SPTBN1: variants seen among roughly 807,000 people sequenced by gnomAD.
The protein encoded by SPTBN1 is spectrin beta, non-erythrocytic 1, also known as spectrin beta chain, non-erythrocytic 1.
Under a neutral mutation model 266.4 loss-of-function variants are expected in SPTBN1, and 32 were observed. That is an observed-to-expected ratio of 0.12 (90% CI 0.09 to 0.16). The LOEUF is 0.16. Ranked by LOEUF, SPTBN1 falls within the 10% of genes least tolerant of loss-of-function variation. SPTBN1 has a pLI of 1.00. For missense variants in SPTBN1, 2,296 were observed against 3,067.1 expected (o/e 0.75, Z 5.94); for synonymous variants, 1,336 against 1,162.2 (o/e 1.15, Z -3.04).
chr2:54,587,078 C>T (rs7607451), intron 2 of SPTBN1, among the ~76,000 whole-genome samples: 118,900 of 152,182 alleles, frequency 0.78, 47,123 homozygotes, highest in African/African-American at 0.9. Flanking sequence ...CTAGCTTACA[C>T]GCCCCGTAGA....
At chr2:54,648,391 C>A (rs1455845173) in intron 24 of SPTBN1, among the ~76,000 whole-genome samples, 2 of 152,152 alleles carry the variant, frequency 1.3e-5, no homozygotes, top group Non-Finnish European at 2.9e-5. Context: ...GATTCAGTCT[C>A]CTGACTGCGC....
chr2:54,469,238 G>A (rs1693793815), intron 1 of SPTBN1, among the ~76,000 whole-genome samples: 1 of 152,174 alleles, frequency 6.6e-6, no homozygotes, highest in South Asian at 2.1e-4. Context: ...AAGGAAAAGA[G>A]GGAGTGGGAA....
chr2:54,498,281 G>A (rs1416796235), intron 1 of SPTBN1, among the ~76,000 whole-genome samples: 1 of 152,166 alleles, frequency 6.6e-6, no homozygotes, highest in African/African-American at 2.4e-5. Flanking sequence ...TGCCGGCCAT[G>A]TGTGTGGCTT....
At chr2:54,542,559 G>A (rs1191230405) in intron 2 of SPTBN1, among the ~76,000 whole-genome samples, 3 of 152,200 alleles carry the variant, frequency 2.0e-5, no homozygotes, top group Admixed American at 2.0e-4. Context: ...GGGGGCTCAA[G>A]GCCATTGTGA....
chr2:54,468,309 A>G (rs1439249436), intron 1 of SPTBN1, among the ~76,000 whole-genome samples: 2 of 141,286 alleles, frequency 1.4e-5, no homozygotes, highest in African/African-American at 2.8e-5. Flanking sequence ...TCAGTCTCAA[A>G]AAAAATAAAA....
At position 54,558,352 on chromosome 2, in the gene SPTBN1, A is replaced by G. The variant is rs1164653543; in HGVS notation, c.148+31786A>G. 1.1e-5 allele frequency: 11 copies of G among 998,606 alleles called. No individual in the cohort carries two copies. Among genetic ancestry groups the G allele is most frequent in the Non-Finnish European group, 1.3e-5 (11 of 838,432 alleles). 61.9% of individuals were successfully genotyped at this position (998,606 alleles called of 1,614,324 possible). A position where few individuals can be genotyped will look rare whatever the true frequency, so the allele number is the denominator to read the frequency against. ...CCCAGCACACGGCGAGTGGCTCCTG[A>G]TAAAATTACAAACCGGCGGCCGCCG... On this transcript the variant is annotated intron_variant, in intron 2 of 35. Coordinates refer to ENST00000356805, the MANE Select transcript of SPTBN1 (RefSeq NM_003128.3). The surrounding 1 kb of genome is among the most constrained non-coding windows in gnomAD (Gnocchi z 4.6).
intron 1 of SPTBN1, among the ~76,000 whole-genome samples, chr2:54,512,628 A>G (rs927721543): frequency 7.9e-5 from 12 of 152,196 alleles, no homozygotes; most frequent in Non-Finnish European, 1.6e-4. Context: ...ATGACCCCTC[A>G]TGTTTTGCGA....
intron 1 of SPTBN1, among the ~76,000 whole-genome samples, chr2:54,465,029 CA>C (rs988662023): frequency 1.8e-4 from 28 of 152,100 alleles, no homozygotes; most frequent in Admixed American, 1.8e-3. Flanking sequence ...AAGCAATCAA[CA>C]CTTTAAAAAT....
chr2:54,573,345 C>T (rs987284094), intron 2 of SPTBN1, among the ~76,000 whole-genome samples: 1 of 152,164 alleles, frequency 6.6e-6, no homozygotes, highest in Non-Finnish European at 1.5e-5. Flanking sequence ...GCATTAGATT[C>T]TTATTAAGGA....
rs537379369 is a variant in SPTBN1, at chr2:54,649,326, T to C, written c.5202+136T>C. 1 of 1,086,988 alleles carries C rather than the reference T, an allele frequency of 9.2e-7. No individual in the cohort carries two copies. Among genetic ancestry groups the C allele is most frequent in the Non-Finnish European group, 1.3e-6 (1 of 777,028 alleles). 67.3% of individuals were successfully genotyped at this position (1,086,988 alleles called of 1,614,324 possible). A position where few individuals can be genotyped will look rare whatever the true frequency, so the allele number is the denominator to read the frequency against. On this transcript the variant is annotated intron_variant, in intron 25 of 35. Transcript: ENST00000356805. This position sits in a 1 kb window ranked among gnomAD's most constrained non-coding sequence, Gnocchi z 6.7. ...GTCTTGGGGTTTAGTTTTAAGGTGGTGTTTCTTTTATAAGCTGGTGACTCG... is the reference window on the plus strand; with the variant it reads ...GTCTTGGGGTTTAGTTTTAAGGTGGCGTTTCTTTTATAAGCTGGTGACTCG...
intron 24 of SPTBN1, among the ~76,000 whole-genome samples, chr2:54,647,735 A>G (rs1680015661): frequency 6.6e-6 from 1 of 152,146 alleles, no homozygotes; most frequent in African/African-American, 2.4e-5. Flanking sequence ...TCAGCTATTC[A>G]AGAGGCTGAG....
intron 3 of SPTBN1, among the ~76,000 whole-genome samples, chr2:54,610,689 G>A (rs747352844): frequency 2.6e-5 from 4 of 152,300 alleles, no homozygotes; most frequent in Middle Eastern, 3.4e-3. Flanking sequence ...GTCTTCAAAT[G>A]GTGGGCCACC....
chr2:54,592,648 A>G (rs1336072073), intron 2 of SPTBN1, among the ~76,000 whole-genome samples: 2 of 152,216 alleles, frequency 1.3e-5, no homozygotes, highest in Non-Finnish European at 2.9e-5. Flanking sequence ...TTGGCCTCCC[A>G]AAGTGCTGGG....
chr2:54,502,872 G>C (rs956929347), intron 1 of SPTBN1, among the ~76,000 whole-genome samples: 1 of 152,270 alleles, frequency 6.6e-6, no homozygotes, highest in Middle Eastern at 3.4e-3. Context: ...TGTTGGCTTT[G>C]CCCTCATTGT....
At chr2:54,465,637 C>CATATA (rs1433073794) in intron 1 of SPTBN1, among the ~76,000 whole-genome samples, 2,535 of 89,628 alleles carry the variant, frequency 0.028, 108 homozygotes, top group South Asian at 0.048. Context: ...TCATGTTTAT[C>CATATA]TCATATATAT....
intron 2 of SPTBN1, among the ~76,000 whole-genome samples, chr2:54,593,850 T>TTTTTTTTGG (rs60564978): frequency 8.4e-6 from 1 of 118,652 alleles, no homozygotes; most frequent in Non-Finnish European, 1.7e-5. Context: ...TTTTTTTTTT[T>TTTTTTTTGG]GAGACAGAGT....
rs201099337 is a variant in SPTBN1, at chr2:54,645,465, C to G, written c.4494+12C>G. The G allele has an allele frequency of 7.4e-5, 119 of 1,612,602 alleles. No homozygotes were observed. In the East Asian group the frequency reaches 2.4e-3, roughly 33 times the overall value. ...TGGAGGACGAGATCGTGAGTCGACC[C>G]CTACTGCACACATGGCTTTTCCACG... On this transcript the variant is annotated intron_variant, in intron 21 of 35. Coordinates refer to ENST00000356805, the MANE Select transcript of SPTBN1 (RefSeq NM_003128.3). This position sits in a 1 kb window ranked among gnomAD's most constrained non-coding sequence, Gnocchi z 4.3.
chr2:54,566,489 C>G (rs1673672840), intron 2 of SPTBN1, among the ~76,000 whole-genome samples: 1 of 152,086 alleles, frequency 6.6e-6, no homozygotes, highest in Non-Finnish European at 1.5e-5. Flanking sequence ...CGCCTGGCCC[C>G]TGTAAGCATG....
intron 1 of SPTBN1, among the ~76,000 whole-genome samples, chr2:54,458,850 C>A (rs1693209350): frequency 6.6e-6 from 1 of 152,186 alleles, no homozygotes. Flanking sequence ...CAAGGGCGTG[C>A]CTGCTTGTAT....
Sources: gnomAD v4.1 joint callset for allele counts (sites outside exome capture counted in the v4.1 genomes callset) on GRCh38, gnomAD v4.1.1 for gene constraint, Gnocchi (gnomAD v3.1) non-coding constraint, MANE v1.5 for transcripts, NCBI Gene and HGNC (gene_info 2026-07-23, HGNC 2026-07-21) for gene names.